ALOX5: variants seen among roughly 807,000 people sequenced by gnomAD.
The protein encoded by ALOX5 is arachidonate 5-lipoxygenase.
A neutral mutation model predicts 87.9 loss-of-function variants in ALOX5; 64 were observed. The observed-to-expected ratio is 0.73, with a 90% confidence interval of 0.60 to 0.90. ALOX5 has a LOEUF of 0.90. ALOX5 is among the 40% of genes least tolerant of loss of function. The pLI, the probability that ALOX5 is intolerant of heterozygous loss-of-function variation, is 0.00. For synonymous variants in ALOX5, 388 were observed against 355.1 expected (o/e 1.09, Z -1.04); for missense variants, 822 against 907.5 (o/e 0.91, Z 1.21).
At position 45,441,547 on chromosome 10, in the gene ALOX5, G is replaced by A. The variant is rs1004491758; in HGVS notation, c.1272+117G>A. Reference sequence around the variant, plus strand: ...CCTGGAAGGGTGAAGGCTGGAGTCTGCTCAGAGCACTGGCTCCAGCATCCT... The same window carrying A: ...CCTGGAAGGGTGAAGGCTGGAGTCTACTCAGAGCACTGGCTCCAGCATCCT... On this transcript the variant is annotated intron_variant, in intron 9 of 13. Transcript: ENST00000374391. 67 of 1,035,014 alleles carry A rather than the reference G, an allele frequency of 6.5e-5. 1 individual carries two copies. The South Asian group carries it at 9.2e-4, about 14-fold the overall frequency. The allele number at this position is 1,035,014 out of a possible 1,614,324, so 64.1% of individuals were successfully genotyped here. A position where few individuals can be genotyped will look rare whatever the true frequency, so the allele number is the denominator to read the frequency against.
chr10:45,383,126 G>A (rs1839899154), intron 2 of ALOX5, among the ~76,000 whole-genome samples: 1 of 152,264 alleles, frequency 6.6e-6, no homozygotes, highest in Non-Finnish European at 1.5e-5. Flanking sequence ...GGCCTAGGGA[G>A]GGAAGGGGTG....
chr10:45,405,380 T>C (rs1050253903), intron 3 of ALOX5, among the ~76,000 whole-genome samples: 6 of 152,246 alleles, frequency 3.9e-5, no homozygotes, highest in African/African-American at 1.4e-4. Context: ...TAAGACCTTG[T>C]GGTTGTTTTA....
chr10:45,444,226 C>T lies in ALOX5; in HGVS notation c.1785C>T (p.Arg595=), dbSNP rs1159386778. 1.9e-6 allele frequency: 3 copies of T among 1,554,804 alleles called. No homozygotes were observed. Among genetic ancestry groups the T allele is most frequent in the South Asian group, 1.2e-5 (1 of 84,354 alleles). The change falls in exon 13 of 14, where the codon CGC becomes CGT. Residue 595 remains arginine (R), a synonymous_variant. Transcript: ENST00000374391. ...IEQIVDTLPD[R]GRSCWHLGAV... The stretch of plus-strand genomic sequence containing the variant: ...AGATCGTGGACACGCTGCCCGACCG[C>T]GGCCGCTCCTGCTGGCATCTGGGTG...
At chr10:45,400,877 T>C (rs1840676092) in intron 3 of ALOX5, among the ~76,000 whole-genome samples, 1 of 152,218 alleles carries the variant, frequency 6.6e-6, no homozygotes, top group Admixed American at 6.5e-5. Flanking sequence ...GTTATAATGA[T>C]GGTTACACAT....
At chr10:45,428,509 A>T in intron 6 of ALOX5, 109 bp from the exon 7 acceptor site, 2 of 1,381,926 alleles carry the variant, frequency 1.4e-6, no homozygotes, top group Non-Finnish European at 1.0e-6. Context: ...AGCTCCGCTG[A>T]GTCGCAGGAA....
rs185659270 is a variant in ALOX5, at chr10:45,376,904, C to A, written c.150+2475C>A. Reference sequence around the variant, plus strand: ...ACTGTCTGCTGGAGAAAGCCGGGATCCTACACAGAATGGCCCTGTTTCCAG... The same window carrying A: ...ACTGTCTGCTGGAGAAAGCCGGGATACTACACAGAATGGCCCTGTTTCCAG... On this transcript the variant is annotated intron_variant, in intron 1 of 13. Transcript: ENST00000374391. Among the ~76,000 whole-genome samples, 10 of 152,258 alleles carry A rather than the reference C, an allele frequency of 6.6e-5. No individual in the cohort carries two copies. The East Asian group carries it at 1.7e-3, about 26-fold the overall frequency.
chr10:45,428,916 C>A, intron 7 of ALOX5, 152 bp downstream of exon 7: 1 of 1,051,060 alleles, frequency 9.5e-7, no homozygotes, highest in Non-Finnish European at 1.3e-6. Flanking sequence ...TCCATAGGGG[C>A]GGAGAGGGTT....
intron 5 of ALOX5, among the ~76,000 whole-genome samples, chr10:45,424,500 CA>C (rs1038677608): frequency 1.3e-5 from 2 of 152,316 alleles, no homozygotes; most frequent in South Asian, 4.1e-4. Context: ...GGTATTTACA[CA>C]AAAGCAACTT....
intron 3 of ALOX5, among the ~76,000 whole-genome samples, chr10:45,403,034 T>C (rs75872495): frequency 0.023 from 3,435 of 152,250 alleles, 126 homozygotes; most frequent in African/African-American, 0.078. Context: ...GGAACACTCA[T>C]ATACCACCGG....
At chr10:45,419,016 G>A (rs758499769) in intron 4 of ALOX5, among the ~76,000 whole-genome samples, 2 of 152,230 alleles carry the variant, frequency 1.3e-5, no homozygotes, top group African/African-American at 2.4e-5. Flanking sequence ...GGCAGCTCCG[G>A]GAAGGGTGGC....
At position 45,424,955 on chromosome 10, in the gene ALOX5, G is replaced by A. The variant is rs1841643502; in HGVS notation, c.662-5G>A. ...TCAGGGTGGGCCTCGCTTTTCTCCT[G>A]GTAGAGCGGGTCATGAATCACTGGC... On this transcript the variant is annotated splice_polypyrimidine_tract_variant and splice_region_variant and intron_variant, in intron 5 of 13. Transcript: ENST00000374391. The A allele has an allele frequency of 6.2e-7, 1 of 1,614,156 alleles. No homozygotes were observed. Among genetic ancestry groups the A allele is most frequent in the Non-Finnish European group, 8.5e-7 (1 of 1,180,012 alleles).
chr10:45,422,481 G>GC (rs911082653), intron 4 of ALOX5, among the ~76,000 whole-genome samples: 2 of 152,194 alleles, frequency 1.3e-5, no homozygotes, highest in Non-Finnish European at 2.9e-5. Flanking sequence ...CTGGAGGAGT[G>GC]CCCCGGGCAC....
At chr10:45,384,833 CTAT>C (rs369749993) in intron 2 of ALOX5, among the ~76,000 whole-genome samples, 28 of 149,182 alleles carry the variant, frequency 1.9e-4, no homozygotes, top group East Asian at 7.8e-4. Context: ...AATTTGTGGC[CTAT>C]TATTATTATT....
chr10:45,408,743 G>GGGT (rs1840965734), intron 3 of ALOX5, among the ~76,000 whole-genome samples: 1 of 152,088 alleles, frequency 6.6e-6, no homozygotes, highest in Non-Finnish European at 1.5e-5. Flanking sequence ...GCCAAGGGGA[G>GGGT]GGTCCATCAG....
chr10:45,425,271 G>C lies in ALOX5; in HGVS notation c.834+139G>C. The C allele has an allele frequency of 9.6e-7, 1 of 1,045,054 alleles. No individual in the cohort carries two copies. The highest frequency in any genetic ancestry group is 1.3e-6 in the Non-Finnish European group (1 of 741,528). The allele number at this position is 1,045,054 out of a possible 1,614,324, so 64.7% of individuals were successfully genotyped here. A position where few individuals can be genotyped will look rare whatever the true frequency, so the allele number is the denominator to read the frequency against. On this transcript the variant is annotated intron_variant, in intron 6 of 13. Coordinates refer to ENST00000374391, the MANE Select transcript of ALOX5 (RefSeq NM_000698.5). This position sits in a 1 kb window ranked among gnomAD's most constrained non-coding sequence, Gnocchi z 4.4. ...CCTACAGCAGCCGCTTCCTTTTCCT[G>C]GCAGCAGTGTCAGCCAGGGTCCTGG...
At chr10:45,417,751 A>G (rs113826373) in intron 4 of ALOX5, among the ~76,000 whole-genome samples, 14 of 152,296 alleles carry the variant, frequency 9.2e-5, no homozygotes, top group African/African-American at 2.9e-4. Context: ...CTCAGGTCCT[A>G]CATGCATAGG....
At chr10:45,398,140 G>A (rs1303451835) in intron 3 of ALOX5, among the ~76,000 whole-genome samples, 1 of 152,148 alleles carries the variant, frequency 6.6e-6, no homozygotes, top group South Asian at 2.1e-4. Context: ...TCGGCATAAG[G>A]ATAGATATAT....
intron 4 of ALOX5, among the ~76,000 whole-genome samples, chr10:45,414,384 T>C (rs1475795068): frequency 3.3e-5 from 5 of 151,288 alleles, no homozygotes; most frequent in Admixed American, 6.6e-5. Context: ...TGGCTAGCCA[T>C]ATGTAGAAAG....
Position 45,425,372 on chromosome 10 carries a change from G to A in ALOX5, c.834+240G>A, listed in dbSNP as rs555125313. ...GTTTCTCCATGATGCTCGAGTCTGG[G>A]AACATAATGTCAATATTTTCACTAT... On this transcript the variant is annotated intron_variant, in intron 6 of 13. Transcript: ENST00000374391. This position sits in a 1 kb window ranked among gnomAD's most constrained non-coding sequence, Gnocchi z 4.4. Among the ~76,000 whole-genome samples, 1 of 152,306 alleles carries A rather than the reference G, an allele frequency of 6.6e-6. No homozygotes were observed. The highest frequency in any genetic ancestry group is 2.1e-4 in the South Asian group (1 of 4,826).
Sources: allele counts gnomAD v4.1 joint callset (sites outside exome capture counted in the v4.1 genomes callset), GRCh38; gene constraint gnomAD v4.1.1; non-coding constraint Gnocchi (gnomAD v3.1); transcripts MANE v1.5; gene names NCBI Gene and HGNC (gene_info 2026-07-23, HGNC 2026-07-21).